The following NRG1 variants were observed in gnomAD, a reference collection of about 807,000 sequenced individuals.
The protein encoded by NRG1 is neuregulin 1.
A neutral mutation model predicts 63.8 loss-of-function variants in NRG1; 18 were observed. The observed-to-expected ratio is 0.28, with a 90% CI of 0.19 to 0.42. The LOEUF is 0.42. Among genes scored for constraint, NRG1 ranks in the 10% least tolerant of loss-of-function variants. The probability of loss-of-function intolerance (pLI) is 1.00; values close to 1 mark genes in which losing one functional copy is unlikely to be tolerated. For synonymous variants in NRG1, 302 were observed against 301.3 expected (o/e 1.00, Z -0.02); for missense variants, 762 against 814.7 (o/e 0.94, Z 0.79).
intron 1 of NRG1, among the ~76,000 whole-genome samples, chr8:32,486,388 A>G (rs1004839439): frequency 3.3e-5 from 5 of 152,182 alleles, no homozygotes; most frequent in Admixed American, 1.3e-4. Flanking sequence ...TTAAGAATCC[A>G]TAAATGCAAT....
At chr8:32,708,395 G>T (rs1816977402) in intron 5 of NRG1, among the ~76,000 whole-genome samples, 1 of 152,168 alleles carries the variant, frequency 6.6e-6, no homozygotes, top group Non-Finnish European at 1.5e-5. Context: ...AGAGGTCCAT[G>T]AAACTCCAAA....
chr8:32,610,222 A>G (rs1846133415), intron 3 of NRG1, among the ~76,000 whole-genome samples: 1 of 152,110 alleles, frequency 6.6e-6, no homozygotes, highest in East Asian at 1.9e-4. Flanking sequence ...CTGCAATCTA[A>G]TTATCCTAAT....
At chr8:32,557,909 G>A (rs1336469346) in intron 1 of NRG1, among the ~76,000 whole-genome samples, 1 of 152,118 alleles carries the variant, frequency 6.6e-6, no homozygotes, top group African/African-American at 2.4e-5. Context: ...TTTGAAACAT[G>A]TTGATGATAT....
At chr8:31,713,514 T>C (rs1022891561) in intron 1 of NRG1, among the ~76,000 whole-genome samples, 1 of 152,154 alleles carries the variant, frequency 6.6e-6, no homozygotes, top group African/African-American at 2.4e-5. Context: ...TTGTTGGTAT[T>C]TTCTGAGAAC....
intron 1 of NRG1, among the ~76,000 whole-genome samples, chr8:32,110,957 A>C (rs182162176): frequency 1.3e-5 from 2 of 152,262 alleles, no homozygotes; most frequent in Admixed American, 1.3e-4. Context: ...AGGTACAGAA[A>C]TGAAGAAACT....
chr8:32,726,942 A>G (rs978320494), intron 5 of NRG1, among the ~76,000 whole-genome samples: 1 of 151,950 alleles, frequency 6.6e-6, no homozygotes, highest in Non-Finnish European at 1.5e-5. Context: ...CTAAAAGAGT[A>G]TATAGAATCT....
intron 5 of NRG1, among the ~76,000 whole-genome samples, chr8:32,715,177 ACTC>A (rs796497814): frequency 2.1e-4 from 32 of 151,464 alleles, no homozygotes; most frequent in African/African-American, 7.8e-4. Flanking sequence ...GGCTGGTTGA[ACTC>A]CTGTGCTCTT....
rs35582021 is a variant in NRG1, at chr8:32,281,184, C to CTTTTTTTTTTTTTTTTTTTTTTTTT, written c.38-314633_38-314632insTTTTTTTTTTTTTTTTTTTTTTTTT. On this transcript the variant is annotated intron_variant, in intron 1 of 10. Transcript: ENST00000519301. ...CATAGTACCCAATAGGTAGTTTTTC[C>CTTTTTTTTTTTTTTTTTTTTTTTTT]TTTTTTTTTTTGAGACAGAATCTCG... 6.4e-5 allele frequency among the ~76,000 whole-genome samples: 6 copies of CTTTTTTTTTTTTTTTTTTTTTTTTT among 94,330 alleles called. 2 individuals are homozygous for CTTTTTTTTTTTTTTTTTTTTTTTTT. The highest frequency in any genetic ancestry group is 9.0e-5 in the African/African-American group (2 of 22,290). 61.9% of individuals were successfully genotyped at this position (94,330 alleles called of 152,430 possible). A position where few individuals can be genotyped will look rare whatever the true frequency, so the allele number is the denominator to read the frequency against.
At chr8:31,759,228 A>G (rs1361677146) in intron 1 of NRG1, among the ~76,000 whole-genome samples, 1 of 152,142 alleles carries the variant, frequency 6.6e-6, no homozygotes, top group East Asian at 1.9e-4. Context: ...TTTGAAGAGA[A>G]TAATTTTAAA....
chr8:32,477,579 A>G (rs1587871157), intron 1 of NRG1, among the ~76,000 whole-genome samples: 1 of 152,186 alleles, frequency 6.6e-6, no homozygotes, highest in African/African-American at 2.4e-5. Context: ...AGCATTAAAT[A>G]TGTTGTTTTA....
intron 1 of NRG1, among the ~76,000 whole-genome samples, chr8:32,314,676 C>G (rs1176415467): frequency 1.3e-5 from 2 of 152,166 alleles, no homozygotes; most frequent in African/African-American, 4.8e-5. Flanking sequence ...TGCTAAAAGT[C>G]TGAAAGACGA....
At chr8:32,068,372 C>A (rs1032349507) in intron 1 of NRG1, among the ~76,000 whole-genome samples, 7 of 152,078 alleles carry the variant, frequency 4.6e-5, no homozygotes, top group African/African-American at 1.7e-4. Context: ...TCAGACTTAA[C>A]CTGGGAAATA....
intron 1 of NRG1, among the ~76,000 whole-genome samples, chr8:32,162,354 C>T (rs1223216026): frequency 6.6e-6 from 1 of 152,164 alleles, no homozygotes; most frequent in African/African-American, 2.4e-5. Flanking sequence ...TTTGTGAAAG[C>T]ATGCGTACAT....
intron 5 of NRG1, among the ~76,000 whole-genome samples, chr8:32,636,368 T>C (rs1851340592): frequency 6.6e-6 from 1 of 152,184 alleles, no homozygotes; most frequent in Non-Finnish European, 1.5e-5. Context: ...AGGGGCTTTG[T>C]ACTGCATCAT....
At chr8:32,211,987 AT>A (rs372159111) in intron 1 of NRG1, among the ~76,000 whole-genome samples, 3 of 152,056 alleles carry the variant, frequency 2.0e-5, no homozygotes, top group African/African-American at 7.2e-5. Flanking sequence ...TATTTAAGTT[AT>A]TTTTTTCCCA....
At chr8:32,094,501 C>T (rs1829627843) in intron 1 of NRG1, among the ~76,000 whole-genome samples, 1 of 152,108 alleles carries the variant, frequency 6.6e-6, no homozygotes, top group Non-Finnish European at 1.5e-5. Flanking sequence ...TGTTCCCAAG[C>T]TGTCGTATAT....
intron 1 of NRG1, among the ~76,000 whole-genome samples, chr8:31,769,474 A>G (rs899580360): frequency 3.3e-5 from 5 of 152,204 alleles, no homozygotes; most frequent in Admixed American, 2.0e-4. Flanking sequence ...ATGGCAGCCC[A>G]TGCTGGGATA....
intron 1 of NRG1, among the ~76,000 whole-genome samples, chr8:32,280,691 G>GTTTTTTTTT (rs1174950316): frequency 6.1e-4 from 35 of 57,636 alleles, no homozygotes; most frequent in East Asian, 3.2e-3. Context: ...TTTTTTTTTT[G>GTTTTTTTTT]TTTTTTTTTT....
At chr8:32,379,381 T>A (rs1375148249) in intron 1 of NRG1, among the ~76,000 whole-genome samples, 2 of 152,152 alleles carry the variant, frequency 1.3e-5, no homozygotes, top group Non-Finnish European at 2.9e-5. Flanking sequence ...ATTATGGGCA[T>A]TATCTGGGTC....
Sources: gnomAD v4.1 joint callset for allele counts (sites outside exome capture counted in the v4.1 genomes callset) on GRCh38, gnomAD v4.1.1 for gene constraint, MANE v1.5 for transcripts, NCBI Gene and HGNC (gene_info 2026-07-23, HGNC 2026-07-21) for gene names.